CDC42BPB: variants seen among roughly 807,000 people sequenced by gnomAD.
CDC42BPB encodes the protein CDC42 binding protein kinase beta.
In CDC42BPB, 37 loss-of-function variants were observed where a neutral mutation model predicts 214.9. That is an observed-to-expected ratio of 0.17 (90% CI 0.13 to 0.23). CDC42BPB has a LOEUF of 0.23. Among genes scored for constraint, CDC42BPB ranks in the 10% least tolerant of loss-of-function variants. The probability of loss-of-function intolerance (pLI) is 1.00; values close to 1 mark genes in which losing one functional copy is unlikely to be tolerated. For missense variants in CDC42BPB, 1,694 were observed against 2,227.0 expected (o/e 0.76, Z 4.82); for synonymous variants, 931 against 884.0 (o/e 1.05, Z -0.94).
In CDC42BPB at chr14:103,057,123, C is replaced by T; in HGVS notation, c.51G>A (p.Gly17=). 1 of 1,518,200 alleles carries T rather than the reference C, an allele frequency of 6.6e-7. No individual in the cohort carries two copies. The allele number at this position is 1,518,200 out of a possible 1,614,324, so 94.0% of individuals were successfully genotyped here. A position where few individuals can be genotyped will look rare whatever the true frequency, so the allele number is the denominator to read the frequency against. ...TCAGGGCGCTCTCGTTGCGCCAGGG[C>T]CCGTCCAGGAGCAGCTGCTCCAGCT... is the stretch of plus-strand genomic sequence containing the variant. ...LKKLEQLLLD[G]PWRNESALSV... Residue 17 remains glycine (G), a synonymous_variant, in exon 1 of 37, where the codon GGG becomes GGA. Coordinates refer to ENST00000361246, the MANE Select transcript of CDC42BPB (RefSeq NM_006035.4).
At chr14:102,980,265 T>C (rs549735665) in intron 8 of CDC42BPB, among the ~76,000 whole-genome samples, 1 of 152,258 alleles carries the variant, frequency 6.6e-6, no homozygotes, top group East Asian at 1.9e-4. Context: ...GAGGCAGAGG[T>C]GGGCGGATCA....
intron 21 of CDC42BPB, among the ~76,000 whole-genome samples, chr14:102,955,760 C>G (rs1451002750): frequency 1.3e-5 from 2 of 152,220 alleles, no homozygotes; most frequent in African/African-American, 2.4e-5. Context: ...TTAGCACCAG[C>G]AAGCAGTGTG....
At chr14:103,011,286 T>A (rs1371456826) in intron 2 of CDC42BPB, among the ~76,000 whole-genome samples, 3 of 152,148 alleles carry the variant, frequency 2.0e-5, no homozygotes, top group Non-Finnish European at 2.9e-5. Flanking sequence ...CTGGCCCTCC[T>A]CCCCTAGGCA....
At chr14:102,983,271 G>A (rs538077735) in intron 7 of CDC42BPB, among the ~76,000 whole-genome samples, 22 of 152,258 alleles carry the variant, frequency 1.4e-4, no homozygotes, top group Admixed American at 1.2e-3. Context: ...CAGGAAGCCA[G>A]CTTGGAGCAG....
At chr14:103,026,659 C>T (rs1457604571) in intron 1 of CDC42BPB, among the ~76,000 whole-genome samples, 2 of 151,966 alleles carry the variant, frequency 1.3e-5, no homozygotes, top group African/African-American at 4.8e-5. Context: ...GTCAAGAGAT[C>T]GAGACCATCC....
chr14:103,015,830 T>G (rs1489063601), intron 1 of CDC42BPB, among the ~76,000 whole-genome samples: 2 of 151,424 alleles, frequency 1.3e-5, no homozygotes, highest in African/African-American at 4.8e-5. Flanking sequence ...TGCTTCAGCC[T>G]CCCGAGTAGC....
chr14:102,972,988 G>A (rs561442591), intron 12 of CDC42BPB, among the ~76,000 whole-genome samples: 3 of 152,298 alleles, frequency 2.0e-5, no homozygotes, highest in South Asian at 2.1e-4. Context: ...ACTGATGTGC[G>A]GATACTGGCT....
chr14:103,013,835 C>T (rs75732376), intron 1 of CDC42BPB, among the ~76,000 whole-genome samples: 1 of 152,176 alleles, frequency 6.6e-6, no homozygotes, highest in Admixed American at 6.5e-5. Context: ...GTTGTTTAAG[C>T]CCCCCACTTT....
chr14:102,981,391 G>T (rs1302900691), intron 7 of CDC42BPB, among the ~76,000 whole-genome samples: 1 of 152,222 alleles, frequency 6.6e-6, no homozygotes, highest in Non-Finnish European at 1.5e-5. Context: ...TAAAAAAGCA[G>T]TTACTAAGAG....
chr14:102,944,197 T>C lies in CDC42BPB; in HGVS notation c.4102A>G (p.Asn1368Asp). 2 of 1,613,290 alleles carry C rather than the reference T, an allele frequency of 1.2e-6. No individual in the cohort carries two copies. Among genetic ancestry groups the C allele is most frequent in the Middle Eastern group, 1.6e-4 (1 of 6,062 alleles). The change falls in exon 30 of 37, where the codon AAT (asparagine) becomes GAT (aspartate). Residue 1368 changes from asparagine (N) to aspartate (D), a missense_variant. Physicochemically the swap from Asn to Asp is conservative, Grantham distance 23. Around this residue, in one of 7 missense-constraint regions of CDC42BPB, gnomAD observed 567 missense variants for 790.3 expected, o/e 0.72. Coordinates refer to ENST00000361246, the MANE Select transcript of CDC42BPB (RefSeq NM_006035.4). The surrounding 1 kb of genome is among the most constrained non-coding windows in gnomAD (Gnocchi z 6.6). ...QRTKPFHRKFNEIVAPGSVQC... is the reference protein window; with the variant it reads ...QRTKPFHRKFDEIVAPGSVQC... ...ACGCTGCCGGGAGCCACAATCTCATTGAACTTTCTGTGGAATGGCTTCGTT... is the reference window on the plus strand; with the variant it reads ...ACGCTGCCGGGAGCCACAATCTCATCGAACTTTCTGTGGAATGGCTTCGTT...
rs770300795 is a variant in CDC42BPB, at chr14:102,939,863, T to C, written c.4676A>G (p.Lys1559Arg). Residue 1559 changes from lysine to arginine, a missense_variant, in exon 33 of 37, where the codon AAG becomes AGG. This residue lies in a region of CDC42BPB where 567 missense variants were observed against 790.3 expected (regional missense o/e 0.72). Transcript: ENST00000361246. ...RTRSKRRFVF[K>R]VPEEERLQQR... ...CTGCAGTCTCTCTTCCTCTGGGACC[T>C]TGAAGACGAACCGCCTTTTGCTCCT... 4 of 1,614,074 alleles carry C rather than the reference T, an allele frequency of 2.5e-6. No individual in the cohort carries two copies. Among genetic ancestry groups the C allele is most frequent in the East Asian group, 2.2e-5 (1 of 44,880 alleles).
intron 1 of CDC42BPB, among the ~76,000 whole-genome samples, chr14:103,043,688 A>G (rs1380769191): frequency 6.6e-6 from 1 of 152,182 alleles, no homozygotes; most frequent in African/African-American, 2.4e-5. Context: ...CAAAAAAAAA[A>G]AGGAAAAAAA....
chr14:103,024,418 C>T (rs568162575), intron 1 of CDC42BPB, among the ~76,000 whole-genome samples: 30 of 152,314 alleles, frequency 2.0e-4, no homozygotes, highest in Admixed American at 1.7e-3. Context: ...TGATTAAATG[C>T]TTCCTACCCC....
chr14:102,953,163 C>T (rs533158209), intron 23 of CDC42BPB, among the ~76,000 whole-genome samples: 2 of 152,382 alleles, frequency 1.3e-5, no homozygotes, highest in African/African-American at 2.4e-5. Flanking sequence ...CATGCGGGAC[C>T]GCCTGTTTAC....
Position 102,932,710 on chromosome 14 carries a change from CCA to C in CDC42BPB, c.*1000_*1001del, listed in dbSNP as rs1409637975. The C allele has an allele frequency of 6.6e-6, 1 of 151,922 alleles. No homozygotes were observed. Among genetic ancestry groups the C allele is most frequent in the African/African-American group, 2.4e-5 (1 of 41,368 alleles). 9.4% of individuals were successfully genotyped at this position (151,922 alleles called of 1,614,324 possible). A position where few individuals can be genotyped will look rare whatever the true frequency, so the allele number is the denominator to read the frequency against. ...ATCACAAGCCTCTGACGACACAGGG[CCA>C]CAGAGCTGGTCACTCAACATCTGGT... is the stretch of plus-strand genomic sequence containing the variant. On this transcript the variant is annotated 3_prime_UTR_variant, in exon 37 of 37. Transcript: ENST00000361246.
chr14:103,030,800 A>G (rs1429410273), intron 1 of CDC42BPB, among the ~76,000 whole-genome samples: 1 of 152,178 alleles, frequency 6.6e-6, no homozygotes, highest in Non-Finnish European at 1.5e-5. Flanking sequence ...CCTAGGCAAC[A>G]TGGCGAAAGC....
At chr14:102,988,866 C>A (rs555138026) in intron 5 of CDC42BPB, among the ~76,000 whole-genome samples, 9 of 135,616 alleles carry the variant, frequency 6.6e-5, no homozygotes, top group South Asian at 4.8e-4. Flanking sequence ...AACAACCCCC[C>A]CTTCCAAAAA....
chr14:103,052,782 A>C (rs973543912), intron 1 of CDC42BPB, among the ~76,000 whole-genome samples: 1 of 152,248 alleles, frequency 6.6e-6, no homozygotes, highest in Non-Finnish European at 1.5e-5. Context: ...GCCACACAGC[A>C]GCCAGGGCAG....
At chr14:102,952,462 G>C (rs1468534686) in intron 24 of CDC42BPB, 36 bp downstream of exon 24, 1 of 1,367,688 alleles carries the variant, frequency 7.3e-7, no homozygotes, top group Non-Finnish European at 1.0e-6. Flanking sequence ...GTGTGGGGCT[G>C]TGCACGCTGA....
Sources: allele counts gnomAD v4.1 joint callset (sites outside exome capture counted in the v4.1 genomes callset), GRCh38; gene constraint gnomAD v4.1.1; regional missense constraint gnomAD v4.1.1; non-coding constraint Gnocchi (gnomAD v3.1); transcripts MANE v1.5; gene names NCBI Gene and HGNC (gene_info 2026-07-23, HGNC 2026-07-21).